THOC2: variants seen among roughly 807,000 people sequenced by gnomAD.
The protein encoded by THOC2 is THO complex subunit 2.
THOC2 carries 10 observed loss-of-function variants against 128.4 expected under a neutral mutation model. That is an observed-to-expected ratio of 0.08 (90% CI 0.05 to 0.13). The LOEUF (loss-of-function observed/expected upper bound fraction) is 0.13. THOC2 is among the 10% of genes least tolerant of loss of function. The pLI, the probability that THOC2 is intolerant of heterozygous loss-of-function variation, is 1.00. For missense variants in THOC2, 535 were observed against 1,155.7 expected (o/e 0.46, Z 7.79); for synonymous variants, 393 against 396.9 (o/e 0.99, Z 0.12).
intron 2 of THOC2, among the ~76,000 whole-genome samples, chrX:123,708,470 T>C (rs1410973049): frequency 1.8e-5 from 2 of 111,323 alleles, no homozygotes; most frequent in Non-Finnish European, 3.8e-5. Context: ...CAAATAATAC[T>C]TATTTAAAAT....
chrX:123,618,019 A>G (rs898231573), intron 33 of THOC2, among the ~76,000 whole-genome samples: 1 of 112,201 alleles, frequency 8.9e-6, no homozygotes, highest in Non-Finnish European at 1.9e-5. Flanking sequence ...ATCATTTTAA[A>G]TAATAATCCC....
chrX:123,652,253 A>G, intron 12 of THOC2, among the ~76,000 whole-genome samples: 1 of 111,891 alleles, frequency 8.9e-6, no homozygotes, highest in South Asian at 3.8e-4. Context: ...AAAAACTCTC[A>G]ATAAACTAGG....
intron 1 of THOC2, among the ~76,000 whole-genome samples, chrX:123,727,358 G>T (rs1278341720): frequency 9.0e-6 from 1 of 111,420 alleles, no homozygotes; most frequent in Non-Finnish European, 1.9e-5. Context: ...TTCACTAATA[G>T]AAGTCCACCA....
intron 1 of THOC2, among the ~76,000 whole-genome samples, chrX:123,730,159 GGTTT>G (rs1332547290): frequency 9.5e-6 from 1 of 104,897 alleles, no homozygotes. Flanking sequence ...TGTTGTTTTT[GGTTT>G]GTTTTTGTTT....
intron 2 of THOC2, among the ~76,000 whole-genome samples, chrX:123,708,095 AAAAAATAAAAAT>A (rs955874521): frequency 4.5e-5 from 5 of 111,054 alleles, no homozygotes; most frequent in Admixed American, 2.9e-4. Flanking sequence ...CCATTGTCTC[AAAAAATAAAAAT>A]AAAAATAAAA....
intron 1 of THOC2, among the ~76,000 whole-genome samples, chrX:123,726,925 C>T (rs978234927): frequency 3.6e-5 from 4 of 111,722 alleles, no homozygotes; most frequent in African/African-American, 1.3e-4. Flanking sequence ...TTTGGCTGGG[C>T]GTAGTGGCTC....
At chrX:123,621,126 C>T (rs758396426) in intron 31 of THOC2, 31 bp downstream of exon 31, 13 of 1,179,971 alleles carry the variant, frequency 1.1e-5, no homozygotes, top group East Asian at 3.0e-5. Context: ...AATAACAAAA[C>T]GTAAGAACGT....
At chrX:123,709,303 C>T (rs1207923165) in intron 2 of THOC2, among the ~76,000 whole-genome samples, 2 of 111,340 alleles carry the variant, frequency 1.8e-5, no homozygotes, top group Non-Finnish European at 3.8e-5. Context: ...TAAGAATAGC[C>T]ACTAGAGGCC....
chrX:123,665,312 G>C (rs368925433), intron 12 of THOC2, among the ~76,000 whole-genome samples: 5 of 111,526 alleles, frequency 4.5e-5, no homozygotes, highest in Non-Finnish European at 9.4e-5. Context: ...TATTCAGTAC[G>C]GGAACATTCT....
In THOC2 at chrX:123,667,186, T is replaced by C. The variant is rs763822860; in HGVS notation, c.1110A>G (p.Pro370=). ...TTAGCTTGTGTGAAGCTGCATAGTA[T>C]GGAGGCATCTGATCCATAATGTTCT... The part of the protein sequence containing the change: ...HAQNIMDQMP[P]YYAASHKLIA... The change falls in exon 11 of 39, where the codon CCA becomes CCG. Residue 370 remains proline, a synonymous_variant. Transcript: ENST00000245838. 1.7e-6 allele frequency: 2 copies of C among 1,205,009 alleles called. No homozygotes were observed. Among genetic ancestry groups the C allele is most frequent in the Admixed American group, 2.2e-5 (1 of 45,860 alleles).
intron 25 of THOC2, among the ~76,000 whole-genome samples, chrX:123,624,895 G>C (rs2047203544): frequency 9.1e-6 from 1 of 109,482 alleles, no homozygotes; most frequent in Non-Finnish European, 1.9e-5. Flanking sequence ...TATAAAGAAA[G>C]CTGATTTACA....
intron 18 of THOC2, among the ~76,000 whole-genome samples, chrX:123,637,203 T>G (rs1316657178): frequency 9.0e-6 from 1 of 111,705 alleles, no homozygotes; most frequent in Non-Finnish European, 1.9e-5. Context: ...AGAACTTACT[T>G]GTATGACTTA....
intron 17 of THOC2, among the ~76,000 whole-genome samples, chrX:123,638,668 A>C (rs12560161): frequency 0.22 from 22,921 of 104,390 alleles, 1,894 homozygotes; most frequent in Middle Eastern, 0.4. Context: ...CACACACACA[A>C]AAAAAAAAAG....
At chrX:123,603,543 G>T (rs1005778838) in intron 38 of THOC2, 1 of 888,999 alleles carries the variant, frequency 1.1e-6, no homozygotes, top group Middle Eastern at 2.7e-4. Flanking sequence ...GCCTGGAGGT[G>T]AAAATAATGT....
At chrX:123,622,971 C>G in intron 29 of THOC2, 111 bp from the exon 30 acceptor site, 1 of 860,524 alleles carries the variant, frequency 1.2e-6, no homozygotes, top group Non-Finnish European at 1.6e-6. Flanking sequence ...CTGATTACTT[C>G]TTAACGCTTA....
intron 4 of THOC2, among the ~76,000 whole-genome samples, chrX:123,701,228 C>T (rs767905510): frequency 3.6e-5 from 4 of 111,521 alleles, no homozygotes; most frequent in African/African-American, 6.5e-5. Context: ...TGGTGGCACG[C>T]GCCTGTAATC....
chrX:123,628,248 A>G (rs2047338192), intron 22 of THOC2, among the ~76,000 whole-genome samples: 1 of 111,557 alleles, frequency 9.0e-6, no homozygotes, highest in Non-Finnish European at 1.9e-5. Flanking sequence ...GGGTATATGC[A>G]TGTTCTCCTC....
chrX:123,716,728 CAA>C (rs777748213), intron 1 of THOC2, among the ~76,000 whole-genome samples: 4 of 34,301 alleles, frequency 1.2e-4, no homozygotes, highest in African/African-American at 4.2e-4. Flanking sequence ...GACTCTGTCT[CAA>C]AAAAAAAAAA....
intron 1 of THOC2, among the ~76,000 whole-genome samples, chrX:123,731,439 C>T (rs181162995): frequency 2.6e-4 from 29 of 111,889 alleles, no homozygotes; most frequent in Admixed American, 2.6e-3. Flanking sequence ...TAATTGCTAA[C>T]CTGAGTGGTA....
Sources: gnomAD v4.1 joint callset for allele counts (sites outside exome capture counted in the v4.1 genomes callset) on GRCh38, gnomAD v4.1.1 for gene constraint, MANE v1.5 for transcripts, NCBI Gene and HGNC (gene_info 2026-07-23, HGNC 2026-07-21) for gene names.